The following LCOR variants were observed in gnomAD, a reference collection of about 807,000 sequenced individuals.
LCOR encodes ligand-dependent corepressor.
LCOR carries 14 observed loss-of-function variants against 64.4 expected under a neutral mutation model. The observed-to-expected ratio is 0.22, with a 90% CI of 0.14 to 0.34. The LOEUF (loss-of-function observed/expected upper bound fraction) is 0.34, where lower values mean the gene tolerates loss of function less well. Ranked by LOEUF, LCOR falls within the 10% of genes least tolerant of loss-of-function variation. The pLI is 1.00. For synonymous variants in LCOR, 643 were observed against 642.5 expected (o/e 1.00, Z -0.01); for missense variants, 1,686 against 1,765.3 (o/e 0.96, Z 0.80).
chr10:96,872,013 T>A (rs1381570992), intron 2 of LCOR, among the ~76,000 whole-genome samples: 2 of 152,222 alleles, frequency 1.3e-5, no homozygotes, highest in Non-Finnish European at 2.9e-5. Context: ...CCAAATAGAT[T>A]GACATAGTCC....
At chr10:96,912,756 T>G (rs185228932) in intron 4 of LCOR, among the ~76,000 whole-genome samples, 89 of 152,302 alleles carry the variant, frequency 5.8e-4, no homozygotes, top group Non-Finnish European at 1.1e-3. Flanking sequence ...TGCACTAATT[T>G]TAGCATCCAT....
At chr10:96,924,614 T>C (rs902700111) in intron 4 of LCOR, among the ~76,000 whole-genome samples, 2 of 152,122 alleles carry the variant, frequency 1.3e-5, no homozygotes, top group Non-Finnish European at 2.9e-5. Context: ...CAAAAATACC[T>C]ATATACCCTT....
chr10:96,939,918 A>T (rs1847419955), intron 4 of LCOR, among the ~76,000 whole-genome samples: 1 of 152,202 alleles, frequency 6.6e-6, no homozygotes, highest in Non-Finnish European at 1.5e-5. Flanking sequence ...AGCCAAGACC[A>T]TGCCACTGCG....
At chr10:96,846,448 C>A (rs906869098) in intron 2 of LCOR, among the ~76,000 whole-genome samples, 1 of 151,852 alleles carries the variant, frequency 6.6e-6, no homozygotes, top group Non-Finnish European at 1.5e-5. Context: ...GATGGGGTGT[C>A]CCTATGTTGC....
chr10:96,904,961 A>G (rs1002536967), intron 2 of LCOR, among the ~76,000 whole-genome samples: 2 of 152,178 alleles, frequency 1.3e-5, no homozygotes, highest in African/African-American at 4.8e-5. Flanking sequence ...TGTTAGGTTT[A>G]ATGTATTGTT....
chr10:96,881,289 T>G (rs1846258517), intron 2 of LCOR, among the ~76,000 whole-genome samples: 1 of 152,196 alleles, frequency 6.6e-6, no homozygotes, highest in African/African-American at 2.4e-5. Flanking sequence ...TTGTGAAGAT[T>G]ACACAAAGTA....
At chr10:96,951,131 A>G (rs1847671479) in intron 6 of LCOR, among the ~76,000 whole-genome samples, 1 of 152,142 alleles carries the variant, frequency 6.6e-6, no homozygotes, top group African/African-American at 2.4e-5. Flanking sequence ...CTACTGGCCA[A>G]CTGAAAATTA....
intron 4 of LCOR, among the ~76,000 whole-genome samples, chr10:96,920,138 A>C (rs923411555): frequency 1.1e-4 from 16 of 151,306 alleles, no homozygotes; most frequent in Non-Finnish European, 7.4e-5. Context: ...ATTTTTCCGC[A>C]TTGTTGCCCT....
rs1361394795 is a variant in LCOR at position 96,958,249 on chromosome 10, G to T, written c.332+6053G>T. The stretch of plus-strand genomic sequence containing the variant: ...TCACTAAAGGCCCATTAAAAATCTG[G>T]CCCTAAAAGTTCAACTTTTGTAGAG... On this transcript the variant is annotated intron_variant, in intron 7 of 7. Transcript: ENST00000421806. 1.1e-5 allele frequency: 14 copies of T among 1,327,840 alleles called. No individual in the cohort carries two copies. In the Admixed American group the frequency reaches 3.1e-4, roughly 30 times the overall value. The allele number at this position is 1,327,840 out of a possible 1,614,324, so 82.3% of individuals were successfully genotyped here.
chr10:96,922,796 C>T (rs1020821082), intron 4 of LCOR, among the ~76,000 whole-genome samples: 8 of 152,096 alleles, frequency 5.3e-5, no homozygotes, highest in African/African-American at 1.7e-4. Flanking sequence ...TAATAATAGC[C>T]ATTTGCTGCT....
intron 7 of LCOR, among the ~76,000 whole-genome samples, chr10:96,974,043 G>A (rs1315795969): frequency 5.9e-5 from 9 of 152,186 alleles, no homozygotes; most frequent in Admixed American, 5.9e-4. Flanking sequence ...TGGTAGGCAA[G>A]TTAAGCTGTG....
intron 4 of LCOR, among the ~76,000 whole-genome samples, chr10:96,920,608 ATATATG>A (rs1847046536): frequency 7.0e-6 from 1 of 143,696 alleles, no homozygotes; most frequent in African/African-American, 2.7e-5. Flanking sequence ...ATGTATATTC[ATATATG>A]TGTATATATG....
chr10:96,969,186 AAGTC>A (rs1847975977), intron 7 of LCOR, among the ~76,000 whole-genome samples: 1 of 152,216 alleles, frequency 6.6e-6, no homozygotes, highest in Non-Finnish European at 1.5e-5. Context: ...AAGAGTGAGA[AAGTC>A]AGATTGACAT....
At chr10:96,858,099 C>T (rs1845834215) in intron 2 of LCOR, among the ~76,000 whole-genome samples, 1 of 152,094 alleles carries the variant, frequency 6.6e-6, no homozygotes, top group Non-Finnish European at 1.5e-5. Flanking sequence ...GACTTTAACA[C>T]AGTGATTTTT....
At chr10:96,920,578 ATATATATGTG>A (rs1240248808) in intron 4 of LCOR, among the ~76,000 whole-genome samples, 1 of 141,902 alleles carries the variant, frequency 7.0e-6, no homozygotes, top group African/African-American at 2.7e-5. Context: ...ATGTATATTC[ATATATATGTG>A]TATATATGTA....
In LCOR at chr10:96,849,758, C is replaced by G. The variant is rs1426633039; in HGVS notation, c.-330+16279C>G. ...CCAGATTGCCCCAAGCAAGTGTGCC[C>G]TCAAAGCGTAATAAGATGGCATGTG... On this transcript the variant is annotated intron_variant, in intron 2 of 7. Transcript: ENST00000421806. 2.0e-5 allele frequency among the ~76,000 whole-genome samples: 3 copies of G among 152,046 alleles called. 1 individual carries two copies. The highest frequency in any genetic ancestry group is 2.0e-4 in the Admixed American group (3 of 15,250).
At chr10:96,939,225 A>C (rs985575755) in intron 4 of LCOR, among the ~76,000 whole-genome samples, 9 of 152,246 alleles carry the variant, frequency 5.9e-5, no homozygotes, top group African/African-American at 2.2e-4. Flanking sequence ...GACTTTTGGC[A>C]AGAGTTCCAA....
In LCOR at chr10:96,992,322, GTATT is replaced by G. The variant is rs1423997746; in HGVS notation, c.*7194_*7197del. ...TCCTGTTCAGATACTTCTATAGAAA[GTATT>G]TATTTTAACAAGAAAATTAACTGTC... On this transcript the variant is annotated 3_prime_UTR_variant, in exon 8 of 8. Transcript: ENST00000421806. 1 of 152,176 alleles carries G rather than the reference GTATT, an allele frequency of 6.6e-6. No individual in the cohort carries two copies. The highest frequency in any genetic ancestry group is 1.5e-5 in the Non-Finnish European group (1 of 68,032). 9.4% of individuals were successfully genotyped at this position (152,176 alleles called of 1,614,324 possible).
At chr10:96,911,306 C>T (rs1275513393) in intron 4 of LCOR, among the ~76,000 whole-genome samples, 2 of 152,060 alleles carry the variant, frequency 1.3e-5, no homozygotes, top group African/African-American at 4.8e-5. Flanking sequence ...CCGTGTTGGC[C>T]AGGCTGGTCT....
Sources: gnomAD v4.1 joint callset for allele counts (sites outside exome capture counted in the v4.1 genomes callset) on GRCh38, gnomAD v4.1.1 for gene constraint, MANE v1.5 for transcripts, NCBI Gene and HGNC (gene_info 2026-07-23, HGNC 2026-07-21) for gene names.